Variants in ZNF565 observed in about 807,000 individuals in gnomAD.
The protein encoded by ZNF565 is zinc finger protein 565.
ZNF565 carries 27 observed loss-of-function variants against 39.4 expected under a neutral mutation model. The observed-to-expected ratio is 0.69, with a 90% confidence interval of 0.51 to 0.95. ZNF565 has a LOEUF of 0.95. ZNF565 is among the 40% of genes least tolerant of loss of function. ZNF565 has a pLI of 0.00. For missense variants in ZNF565, 524 were observed against 621.1 expected, an observed-to-expected ratio of 0.84 and a Z score of 1.66; for synonymous variants, 185 against 216.6, an observed-to-expected ratio of 0.85 and a Z score of 1.28.
At chr19:36,189,961 G>A (rs1975466829) in intron 4 of ZNF565, among the ~76,000 whole-genome samples, 1 of 151,720 alleles carries the variant, frequency 6.6e-6, no homozygotes, top group South Asian at 2.1e-4. Flanking sequence ...AGCCTCCCGA[G>A]TAGCTGGGAT....
At chr19:36,215,604 A>G (rs115455300), upstream of ZNF565, among the ~76,000 whole-genome samples, 4,722 of 152,122 alleles carry the variant, frequency 0.031, 212 homozygotes, top group African/African-American at 0.11. Context: ...TTTTAAAACG[A>G]GTTTTTATAT....
At position 36,227,313 on chromosome 19, in the gene ZNF565, C is replaced by T. The variant is rs552411097; in HGVS notation, c.55+18163G>A. ...CTGAGGCAGGAGAATGGCTTGAACC[C>T]GGGAGGCAGAGGTTGCAGTGAGCAG... On this transcript the variant is annotated intron_variant, in intron 1 of 4. Transcript: ENST00000355114. Among the ~76,000 whole-genome samples the T allele has an allele frequency of 1.2e-3, 181 of 147,850 alleles. 1 individual carries two copies. Among genetic ancestry groups the T allele is most frequent in the South Asian group, 0.011 (49 of 4,616 alleles).
Position 36,244,849 on chromosome 19 carries a change from T to TAAAAA in ZNF565, c.55+622_55+626dup, listed in dbSNP as rs775546485. On this transcript the variant is annotated intron_variant, in intron 1 of 4. Coordinates refer to the ZNF565 transcript ENST00000355114. ...CTGGCGACAGAGCAAGACTACGTCTTAAAAAAAAAAAAAAAAAAGGAATTG... is the reference window on the plus strand; with the variant it reads ...CTGGCGACAGAGCAAGACTACGTCTTAAAAAAAAAAAAAAAAAAAAAAAGGAATTG... Among the ~76,000 whole-genome samples the TAAAAA allele has an allele frequency of 7.1e-4, 92 of 129,218 alleles. 2 individuals are homozygous for TAAAAA. The highest frequency in any genetic ancestry group is 4.0e-3 in the Middle Eastern group (1 of 248). 84.8% of individuals were successfully genotyped at this position (129,218 alleles called of 152,430 possible). A position where few individuals can be genotyped will look rare whatever the true frequency, so the allele number is the denominator to read the frequency against.
intron 2 of ZNF565, among the ~76,000 whole-genome samples, chr19:36,197,285 AAACAAC>A (rs571202635): frequency 6.6e-6 from 1 of 151,404 alleles, no homozygotes; most frequent in Non-Finnish European, 1.5e-5. Context: ...AAAAACAAAC[AAACAAC>A]AACAACAACA....
At chr19:36,184,027 G>A (rs978901874) in intron 4 of ZNF565, among the ~76,000 whole-genome samples, 16 of 128,772 alleles carry the variant, frequency 1.2e-4, no homozygotes, top group Non-Finnish European at 2.2e-4. Flanking sequence ...GCAGTGAGCC[G>A]AGATTGCGCC....
rs1322704088 is a variant in ZNF565 at position 36,240,777 on chromosome 19, G to A, written c.55+4699C>T. Among the ~76,000 whole-genome samples the A allele has an allele frequency of 7.9e-5, 12 of 151,996 alleles. No homozygotes were observed. The East Asian group carries it at 2.3e-3, about 29-fold the overall frequency. On this transcript the variant is annotated intron_variant, in intron 1 of 4. Coordinates refer to the ZNF565 transcript ENST00000355114. ...CCAGCTACTTGGGAGGCTGAGGCAG[G>A]AGAATTGCTCCAACCCAGGAGGCAG... is the stretch of plus-strand genomic sequence containing the variant.
intron 1 of ZNF565, among the ~76,000 whole-genome samples, chr19:36,207,491 G>A (rs903698742): frequency 6.6e-5 from 10 of 151,568 alleles, no homozygotes; most frequent in African/African-American, 2.4e-4. Context: ...GGTGAGCCAA[G>A]ATTGTGCCAC....
intron 1 of ZNF565, among the ~76,000 whole-genome samples, chr19:36,234,233 A>G (rs1977540046): frequency 6.6e-6 from 1 of 152,244 alleles, no homozygotes; most frequent in Admixed American, 6.5e-5. Context: ...ATCTCAAGGC[A>G]GAATAATTTT....
chr19:36,229,458 C>G (rs2145435320), intron 1 of ZNF565, among the ~76,000 whole-genome samples: 1 of 152,286 alleles, frequency 6.6e-6, no homozygotes, highest in Non-Finnish European at 1.5e-5. Flanking sequence ...GGTCCTCCTG[C>G]CTCAGACTCC....
intron 1 of ZNF565, chr19:36,236,491 C>T (rs773993026): frequency 1.9e-6 from 3 of 1,613,844 alleles, no homozygotes; most frequent in Admixed American, 1.7e-5. Context: ...ACCCCTTTGC[C>T]TGTAAGGTAT....
intron 1 of ZNF565, among the ~76,000 whole-genome samples, chr19:36,241,849 C>G (rs1165949273): frequency 1.3e-5 from 2 of 149,488 alleles, no homozygotes; most frequent in Non-Finnish European, 3.0e-5. Flanking sequence ...TCTTGCTTCA[C>G]ACCGTATACA....
rs1975183260 is a variant in ZNF565, at chr19:36,183,820, C to T, written c.233-87G>A. 5 of 1,228,736 alleles carry T rather than the reference C, an allele frequency of 4.1e-6. No homozygotes were observed. In the South Asian group the frequency reaches 7.5e-5, roughly 18 times the overall value. 76.1% of individuals were successfully genotyped at this position (1,228,736 alleles called of 1,614,324 possible). A position where few individuals can be genotyped will look rare whatever the true frequency, so the allele number is the denominator to read the frequency against. ...CTATAGTAGAGGCCAGGCACGGTGG[C>T]TCACATCTGTAATCCCAGCACTTTG... On this transcript the variant is annotated intron_variant, in intron 4 of 4. Coordinates refer to ENST00000304116, the MANE Select transcript of ZNF565 (RefSeq NM_152477.5).
chr19:36,193,468 T>C (rs1376907538), intron 4 of ZNF565, among the ~76,000 whole-genome samples: 2 of 137,818 alleles, frequency 1.5e-5, no homozygotes, highest in East Asian at 4.3e-4. Flanking sequence ...TGAGACAGAG[T>C]CTCGCTCTGT....
chr19:36,222,813 A>G (rs1402972020), intron 1 of ZNF565, among the ~76,000 whole-genome samples: 1 of 106,094 alleles, frequency 9.4e-6, no homozygotes, highest in Admixed American at 1.0e-4. Flanking sequence ...TTTCATTTGC[A>G]TTTGGACATT....
intron 1 of ZNF565, among the ~76,000 whole-genome samples, chr19:36,226,514 C>A (rs1977073715): frequency 6.6e-6 from 1 of 152,164 alleles, no homozygotes; most frequent in Admixed American, 6.5e-5. Flanking sequence ...CCCAATTTCA[C>A]CAATCATTTA....
intron 1 of ZNF565, among the ~76,000 whole-genome samples, chr19:36,224,583 T>C (rs1416525122): frequency 1.3e-5 from 2 of 152,236 alleles, no homozygotes; most frequent in African/African-American, 4.8e-5. Flanking sequence ...CTTTGTGGTA[T>C]AGCTAGTCTC....
In ZNF565 at chr19:36,194,952, G is replaced by A. The variant is rs1241458584; in HGVS notation, c.136+78C>T. The A allele has an allele frequency of 2.5e-6, 4 of 1,607,164 alleles. No individual in the cohort carries two copies. The Admixed American group carries it at 5.0e-5, about 20-fold the overall frequency. On this transcript the variant is annotated intron_variant, in intron 3 of 4. Transcript: ENST00000304116. ...TTTCCTCTCCTCACCCATTTAGGCA[G>A]AGATGGAAACTGCACCCCATGGTTG...
intron 4 of ZNF565, among the ~76,000 whole-genome samples, chr19:36,193,955 G>A (rs902092904): frequency 6.6e-6 from 1 of 152,044 alleles, no homozygotes; most frequent in African/African-American, 2.4e-5. Context: ...AGGATACAAA[G>A]TACAGGTAAA....
chr19:36,193,684 G>A (rs1005174500), intron 4 of ZNF565, among the ~76,000 whole-genome samples: 3 of 152,032 alleles, frequency 2.0e-5, no homozygotes, highest in East Asian at 1.9e-4. Flanking sequence ...CTCGTGATCC[G>A]CCCGCCTTGG....
Sources: gnomAD v4.1 joint callset for allele counts (sites outside exome capture counted in the v4.1 genomes callset) on GRCh38, gnomAD v4.1.1 for gene constraint, MANE v1.5 for transcripts, NCBI Gene and HGNC (gene_info 2026-07-23, HGNC 2026-07-21) for gene names.